Variants in JAK1 observed in about 807,000 individuals in gnomAD.
JAK1 encodes tyrosine-protein kinase JAK1.
JAK1 carries 16 observed loss-of-function variants against 136.6 expected under a neutral mutation model. The observed-to-expected ratio is 0.12, with a 90% CI of 0.08 to 0.18. JAK1 has a LOEUF of 0.18. Ranked by LOEUF, JAK1 falls within the 10% of genes least tolerant of loss-of-function variation. The pLI, the probability that JAK1 is intolerant of heterozygous loss-of-function variation, is 1.00. For missense variants in JAK1, 859 were observed against 1,450.1 expected (o/e 0.59, Z 6.62); for synonymous variants, 492 against 519.5 (o/e 0.95, Z 0.72).
chr1:65,049,846 G>T (rs930031019), intron 1 of JAK1, among the ~76,000 whole-genome samples: 1 of 152,082 alleles, frequency 6.6e-6, no homozygotes, highest in African/African-American at 2.4e-5. Context: ...GCTCTTTCTG[G>T]GATAGTGGCT....
chr1:64,982,545 G>A (rs1646558050), intron 2 of JAK1, among the ~76,000 whole-genome samples: 1 of 152,112 alleles, frequency 6.6e-6, no homozygotes, highest in African/African-American at 2.4e-5. Flanking sequence ...TATAAAATAC[G>A]AGGAAGTTCT....
intron 4 of JAK1, among the ~76,000 whole-genome samples, 198 bp from the exon 5 acceptor site, chr1:64,873,721 C>T (rs1476372601): frequency 1.3e-5 from 2 of 152,182 alleles, no homozygotes; most frequent in Non-Finnish European, 2.9e-5. Context: ...TCAGCACCTC[C>T]TCTATGACTC....
At chr1:64,891,412 C>T (rs943695659) in intron 1 of JAK1, among the ~76,000 whole-genome samples, 1 of 152,150 alleles carries the variant, frequency 6.6e-6, no homozygotes, top group Non-Finnish European at 1.5e-5. Flanking sequence ...GATCTTACTC[C>T]AACACTCTTC....
intron 2 of JAK1, among the ~76,000 whole-genome samples, chr1:64,976,108 T>A (rs1026935563): frequency 6.6e-6 from 1 of 152,228 alleles, no homozygotes; most frequent in Non-Finnish European, 1.5e-5. Flanking sequence ...CTTTGACCCC[T>A]TTGATCCTAG....
chr1:64,894,137 C>T (rs1171544123), intron 1 of JAK1, among the ~76,000 whole-genome samples: 1 of 152,170 alleles, frequency 6.6e-6, no homozygotes, highest in African/African-American at 2.4e-5. Flanking sequence ...CACCACTGCT[C>T]GCACAGCCTC....
chr1:64,912,728 G>C (rs978501246), intron 1 of JAK1, among the ~76,000 whole-genome samples: 11 of 152,102 alleles, frequency 7.2e-5, no homozygotes, highest in African/African-American at 1.9e-4. Flanking sequence ...AACAAAAAAA[G>C]GTCCATTTCT....
At chr1:65,003,449 TG>T (rs1310068684) in intron 2 of JAK1, 1 of 152,176 alleles carries the variant, frequency 6.6e-6, no homozygotes, top group Non-Finnish European at 1.5e-5. Flanking sequence ...AGGGGAATGA[TG>T]CTTAAAAGCA....
intron 2 of JAK1, among the ~76,000 whole-genome samples, chr1:64,996,761 C>T (rs983035823): frequency 6.6e-5 from 10 of 152,164 alleles, no homozygotes; most frequent in African/African-American, 2.4e-4. Flanking sequence ...TCAGGCTACA[C>T]TTGAGAAATC....
intron 22 of JAK1, among the ~76,000 whole-genome samples, chr1:64,837,435 T>C (rs4916003): frequency 0.15 from 22,982 of 152,154 alleles, 1,843 homozygotes; most frequent in East Asian, 0.32. Flanking sequence ...GACATGGTTG[T>C]AGCCAGTGTG....
intron 1 of JAK1, among the ~76,000 whole-genome samples, chr1:64,929,166 T>C (rs2100431717): frequency 6.6e-6 from 1 of 152,384 alleles, no homozygotes; most frequent in Non-Finnish European, 1.5e-5. Context: ...ATCTGCTGGC[T>C]TATGCTCTTA....
chr1:64,837,869 G>A, intron 22 of JAK1, 63 bp downstream of exon 22: 1 of 1,356,414 alleles, frequency 7.4e-7, no homozygotes, highest in Non-Finnish European at 1.0e-6. Context: ...GCCAGAAAGG[G>A]CCTATTAAAA....
chr1:64,948,026 T>C (rs180952473), intron 1 of JAK1, among the ~76,000 whole-genome samples: 17 of 152,188 alleles, frequency 1.1e-4, no homozygotes, highest in African/African-American at 3.9e-4. Flanking sequence ...AAATTGAGGT[T>C]TTGGGTGAAA....
At chr1:64,922,369 G>A (rs1645509856) in intron 1 of JAK1, among the ~76,000 whole-genome samples, 1 of 152,130 alleles carries the variant, frequency 6.6e-6, no homozygotes, top group Non-Finnish European at 1.5e-5. Context: ...AGTAAGGGCT[G>A]GAATCCCCTG....
chr1:64,838,516 C>G lies in JAK1; in HGVS notation c.2916G>C (p.Lys972Asn), dbSNP rs1037782897. ...GSLKEYLPKNKNKINLKQQLK... is the reference protein window; with the variant it reads ...GSLKEYLPKNNNKINLKQQLK... Reference sequence around the variant, plus strand: ...GCTGCTGTTTGAGGTTTATTTTGTTCTTATTCTTTGGAAGATATTCCTTAA... The same window carrying G: ...GCTGCTGTTTGAGGTTTATTTTGTTGTTATTCTTTGGAAGATATTCCTTAA... The change falls in exon 21 of 25, where the codon AAG becomes AAC. Residue 972 changes from lysine to asparagine, a missense_variant. Around this residue, in one of 4 missense-constraint regions of JAK1, gnomAD observed 409 missense variants for 753.8 expected, o/e 0.54. Coordinates refer to ENST00000342505, the MANE Select transcript of JAK1 (RefSeq NM_002227.4). The G allele has an allele frequency of 1.9e-6, 3 of 1,613,768 alleles. No homozygotes were observed. Among genetic ancestry groups the G allele is most frequent in the African/African-American group, 2.7e-5 (2 of 74,896 alleles).
At chr1:65,037,675 C>A (rs1413674953) in intron 2 of JAK1, among the ~76,000 whole-genome samples, 2 of 152,056 alleles carry the variant, frequency 1.3e-5, no homozygotes, top group Admixed American at 1.3e-4. Flanking sequence ...CCAGCCTGCA[C>A]AACATAGAAA....
intron 2 of JAK1, among the ~76,000 whole-genome samples, chr1:64,884,770 T>C (rs1644826956): frequency 6.6e-6 from 1 of 152,196 alleles, no homozygotes; most frequent in African/African-American, 2.4e-5. Flanking sequence ...TCTCTGAACC[T>C]CCATCCCATT....
In JAK1 at chr1:64,835,512, T is replaced by C. The variant is rs1654427600; in HGVS notation, c.3259-6A>G. 2.6e-6 allele frequency: 4 copies of C among 1,511,350 alleles called. No individual in the cohort carries two copies. Among genetic ancestry groups the C allele is most frequent in the Non-Finnish European group, 3.6e-6 (4 of 1,101,938 alleles). The allele number at this position is 1,511,350 out of a possible 1,614,324, so 93.6% of individuals were successfully genotyped here. A position where few individuals can be genotyped will look rare whatever the true frequency, so the allele number is the denominator to read the frequency against. On this transcript the variant is annotated splice_polypyrimidine_tract_variant and splice_region_variant and intron_variant, in intron 23 of 24. Coordinates refer to ENST00000342505, the MANE Select transcript of JAK1 (RefSeq NM_002227.4). ...CCTATCATTTTCAGGAACAACTATA[T>C]AAAATAAAATCAAACAAAACGTTTA...
chr1:64,849,668 C>T (rs191760837), intron 12 of JAK1, among the ~76,000 whole-genome samples: 8 of 152,370 alleles, frequency 5.3e-5, no homozygotes, highest in African/African-American at 1.4e-4. Context: ...AATCGTGCCT[C>T]GCACGTGTAA....
At chr1:65,027,376 C>T (rs1646987153) in intron 2 of JAK1, among the ~76,000 whole-genome samples, 1 of 152,070 alleles carries the variant, frequency 6.6e-6, no homozygotes, top group Admixed American at 6.6e-5. Flanking sequence ...CTTTGATCAT[C>T]CTTGACATCA....
Sources: allele counts gnomAD v4.1 joint callset (sites outside exome capture counted in the v4.1 genomes callset), GRCh38; gene constraint gnomAD v4.1.1; regional missense constraint gnomAD v4.1.1; transcripts MANE v1.5; gene names NCBI Gene and HGNC (gene_info 2026-07-23, HGNC 2026-07-21).